The following SIK3 variants were observed in gnomAD, a reference collection of about 807,000 sequenced individuals.
The protein encoded by SIK3 is serine/threonine-protein kinase SIK3.
SIK3 carries 28 observed loss-of-function variants against 144.2 expected under a neutral mutation model. That is an observed-to-expected ratio of 0.19 (90% CI 0.14 to 0.27). SIK3 has a LOEUF of 0.27. Ranked by LOEUF, SIK3 falls within the 10% of genes least tolerant of loss-of-function variation. The pLI is 1.00. For synonymous variants in SIK3, 686 were observed against 676.3 expected (o/e 1.01, Z -0.22); for missense variants, 1,319 against 1,776.0 (o/e 0.74, Z 4.62).
chr11:117,027,163 T>C (rs1305628657), intron 1 of SIK3, among the ~76,000 whole-genome samples: 5 of 152,210 alleles, frequency 3.3e-5, no homozygotes, highest in Admixed American at 3.3e-4. Context: ...AAATGCTCAA[T>C]CTACCCATCA....
chr11:117,034,244 C>T (rs528907315), intron 1 of SIK3, among the ~76,000 whole-genome samples: 3 of 152,288 alleles, frequency 2.0e-5, no homozygotes, highest in African/African-American at 7.2e-5. Context: ...AACACTATAA[C>T]TATATTGAAT....
intron 1 of SIK3, among the ~76,000 whole-genome samples, chr11:117,013,127 T>C (rs1197102394): frequency 6.6e-6 from 1 of 152,170 alleles, no homozygotes; most frequent in African/African-American, 2.4e-5. Context: ...GTTTCTGTTA[T>C]TTAATACCTT....
At chr11:116,922,905 C>A (rs1457146762) in intron 4 of SIK3, among the ~76,000 whole-genome samples, 1 of 118,692 alleles carries the variant, frequency 8.4e-6, no homozygotes, top group African/African-American at 3.5e-5. Context: ...CTTTTCTTTT[C>A]TCTTTTTTTT....
At chr11:116,972,086 C>CAAAA (rs35775477) in intron 1 of SIK3, among the ~76,000 whole-genome samples, 6,335 of 111,776 alleles carry the variant, frequency 0.057, 275 homozygotes, top group African/African-American at 0.14. Flanking sequence ...GACTCGGTCT[C>CAAAA]AAAAAAAAAA....
At chr11:116,910,873 C>T (rs987126071) in intron 4 of SIK3, among the ~76,000 whole-genome samples, 9 of 152,022 alleles carry the variant, frequency 5.9e-5, no homozygotes, top group Admixed American at 5.2e-4. Context: ...ATTCCCTGTA[C>T]GTTCAAAAGG....
At chr11:116,890,330 C>A (rs907340640) in intron 6 of SIK3, among the ~76,000 whole-genome samples, 1 of 152,180 alleles carries the variant, frequency 6.6e-6, no homozygotes, top group Non-Finnish European at 1.5e-5. Context: ...GTGACTGGAG[C>A]TCAGAACCGG....
At chr11:116,861,665 T>C (rs1355681646) in intron 18 of SIK3, among the ~76,000 whole-genome samples, 176 bp downstream of exon 18, 1 of 152,192 alleles carries the variant, frequency 6.6e-6, no homozygotes, top group East Asian at 1.9e-4. Flanking sequence ...GGAAATGAAG[T>C]GGCACAGGAA....
chr11:117,090,907 G>C lies in SIK3; in HGVS notation c.273+7236C>G, dbSNP rs187946191. 2.0e-3 allele frequency among the ~76,000 whole-genome samples: 307 copies of C among 152,304 alleles called. 3 individuals are homozygous for C. Among genetic ancestry groups the C allele is most frequent in the African/African-American group, 6.9e-3 (286 of 41,542 alleles). Reference sequence around the variant, plus strand: ...CCTCTCATCATGACATCTCGCTTTTGGTTTGTCTTATAGAAAGGATAAATA... The same window carrying C: ...CCTCTCATCATGACATCTCGCTTTTCGTTTGTCTTATAGAAAGGATAAATA... On this transcript the variant is annotated intron_variant, in intron 1 of 24. Coordinates refer to ENST00000445177, the MANE Select transcript of SIK3 (RefSeq NM_001366686.3).
intron 1 of SIK3, among the ~76,000 whole-genome samples, chr11:117,024,663 G>T (rs1000296820): frequency 1.3e-5 from 2 of 152,148 alleles, no homozygotes; most frequent in Non-Finnish European, 2.9e-5. Context: ...ACTTCGGGAG[G>T]CCAAGGCAGT....
chr11:116,993,485 T>A (rs979583366), intron 1 of SIK3, among the ~76,000 whole-genome samples: 2 of 152,226 alleles, frequency 1.3e-5, no homozygotes, highest in African/African-American at 4.8e-5. Flanking sequence ...AACCCTGTTA[T>A]AACTGACCTA....
At chr11:117,005,452 C>G (rs61905690) in intron 1 of SIK3, among the ~76,000 whole-genome samples, 4,638 of 151,698 alleles carry the variant, frequency 0.031, 93 homozygotes, top group Non-Finnish European at 0.035. Context: ...TATAAAGATC[C>G]CTGCAAGAGC....
intron 1 of SIK3, among the ~76,000 whole-genome samples, chr11:117,028,916 C>T (rs1173442820): frequency 1.3e-5 from 2 of 151,710 alleles, no homozygotes; most frequent in Admixed American, 1.3e-4. Flanking sequence ...ACCTGTAATC[C>T]CAGCATTTTG....
chr11:117,002,549 CA>C (rs1422625361), intron 1 of SIK3, among the ~76,000 whole-genome samples: 1 of 152,138 alleles, frequency 6.6e-6, no homozygotes, highest in African/African-American at 2.4e-5. Flanking sequence ...AAGTTACTTT[CA>C]CTAAGGTCCA....
chr11:116,914,367 G>T (rs1838757), intron 4 of SIK3, among the ~76,000 whole-genome samples: 3 of 151,914 alleles, frequency 2.0e-5, no homozygotes, highest in African/African-American at 7.3e-5. Flanking sequence ...TGCCACCACA[G>T]CTGGCTGATT....
intron 3 of SIK3, among the ~76,000 whole-genome samples, chr11:116,953,492 T>C (rs940297767): frequency 1.2e-4 from 19 of 152,256 alleles, no homozygotes; most frequent in Non-Finnish European, 2.6e-4. Flanking sequence ...TCTTGCTTAT[T>C]TCTGACATTG....
intron 1 of SIK3, among the ~76,000 whole-genome samples, chr11:117,042,340 G>A (rs1427016133): frequency 6.6e-6 from 1 of 152,190 alleles, no homozygotes; most frequent in African/African-American, 2.4e-5. Context: ...AAATACGCTA[G>A]TAAACGCAAT....
intron 3 of SIK3, among the ~76,000 whole-genome samples, chr11:116,946,569 T>C (rs1948600643): frequency 6.6e-6 from 1 of 152,180 alleles, no homozygotes; most frequent in Non-Finnish European, 1.5e-5. Flanking sequence ...AGGGAGATAC[T>C]ATCTCTGTCT....
chr11:116,905,919 C>T (rs542246573), intron 4 of SIK3, among the ~76,000 whole-genome samples: 1 of 152,242 alleles, frequency 6.6e-6, no homozygotes, highest in African/African-American at 2.4e-5. Context: ...CTTTCATTAT[C>T]TTGATGATGT....
intron 1 of SIK3, among the ~76,000 whole-genome samples, chr11:117,096,270 CA>C (rs1955466918): frequency 6.6e-6 from 1 of 152,082 alleles, no homozygotes; most frequent in Non-Finnish European, 1.5e-5. Context: ...CTGGAAGATT[CA>C]AAATTCTTTA....
Sources: allele counts gnomAD v4.1 joint callset (sites outside exome capture counted in the v4.1 genomes callset), GRCh38; gene constraint gnomAD v4.1.1; transcripts MANE v1.5; gene names NCBI Gene and HGNC (gene_info 2026-07-23, HGNC 2026-07-21).